Variants in SLC26A5 observed in about 807,000 individuals in gnomAD.
SLC26A5 encodes the protein solute carrier family 26 member 5, also known as prestin.
Under a neutral mutation model 81.0 loss-of-function variants are expected in SLC26A5, and 51 were observed. The observed-to-expected ratio is 0.63, with a 90% CI of 0.50 to 0.80. SLC26A5 has a LOEUF of 0.80. Ranked by LOEUF, SLC26A5 falls within the 30% of genes least tolerant of loss-of-function variation. The pLI is 0.00. For missense variants in SLC26A5, 771 were observed against 905.8 expected, an observed-to-expected ratio of 0.85 and a Z score of 1.91; for synonymous variants, 325 against 332.8, an observed-to-expected ratio of 0.98 and a Z score of 0.25.
chr7:103,434,976 T>C (rs1258557429), intron 2 of SLC26A5: 1 of 152,180 alleles, frequency 6.6e-6, no homozygotes, highest in Non-Finnish European at 1.5e-5. Context: ...AAAATCATTA[T>C]TGTTATTAAT....
At chr7:103,410,593 G>A in intron 6 of SLC26A5, 44 bp from the exon 7 acceptor site, 2 of 1,540,368 alleles carry the variant, frequency 1.3e-6, no homozygotes, top group Non-Finnish European at 1.8e-6. Context: ...TCACATGATA[G>A]GTCAGGAAGT....
chr7:103,445,317 G>A (rs554196214), intron 1 of SLC26A5: 1 of 152,256 alleles, frequency 6.6e-6, no homozygotes, highest in South Asian at 2.1e-4. Context: ...CGGCCCAGGT[G>A]CGCACTAGAT....
chr7:103,353,456 G>A (rs911162462), intron 19 of SLC26A5, among the ~76,000 whole-genome samples: 3 of 152,044 alleles, frequency 2.0e-5, no homozygotes, highest in East Asian at 1.9e-4. Flanking sequence ...ACAGACATGC[G>A]CCACCATGCC....
At chr7:103,426,303 T>G (rs1825707286) in intron 2 of SLC26A5, among the ~76,000 whole-genome samples, 1 of 152,166 alleles carries the variant, frequency 6.6e-6, no homozygotes, top group Non-Finnish European at 1.5e-5. Context: ...AATTTAGATC[T>G]CAAAACATAA....
intron 16 of SLC26A5, among the ~76,000 whole-genome samples, chr7:103,378,838 G>C (rs1439460673): frequency 3.3e-5 from 5 of 152,302 alleles, no homozygotes; most frequent in African/African-American, 1.2e-4. Flanking sequence ...ATATTTAAGA[G>C]ACTCTGTGGG....
At chr7:103,399,585 A>T (rs1823414719) in intron 8 of SLC26A5, among the ~76,000 whole-genome samples, 1 of 152,028 alleles carries the variant, frequency 6.6e-6, no homozygotes, top group Non-Finnish European at 1.5e-5. Context: ...TAAATTTTTA[A>T]ATTTATTATA....
chr7:103,354,175 A>G (rs1356254045), intron 19 of SLC26A5, among the ~76,000 whole-genome samples: 1 of 152,202 alleles, frequency 6.6e-6, no homozygotes, highest in East Asian at 1.9e-4. Context: ...TATAGAATAG[A>G]TCAAAGTATT....
At chr7:103,430,420 A>G (rs902817597) in intron 2 of SLC26A5, among the ~76,000 whole-genome samples, 1 of 152,170 alleles carries the variant, frequency 6.6e-6, no homozygotes, top group Non-Finnish European at 1.5e-5. Flanking sequence ...TGCAAGATAT[A>G]CAAGCTTTCT....
intron 18 of SLC26A5, 67 bp from the exon 19 acceptor site, chr7:103,376,929 C>A: frequency 9.0e-7 from 1 of 1,107,984 alleles, no homozygotes; most frequent in Non-Finnish European, 1.4e-6. Context: ...CTCTTTTTAC[C>A]AATGTTTTTC....
intron 19 of SLC26A5, among the ~76,000 whole-genome samples, chr7:103,375,035 AACAC>A (rs901002259): frequency 2.8e-5 from 4 of 144,682 alleles, no homozygotes; most frequent in African/African-American, 5.0e-5. Flanking sequence ...TATATACACA[AACAC>A]ACACACACAC....
At chr7:103,369,366 G>A (rs1437509001), downstream of SLC26A5, 1 of 152,120 alleles carries the variant, frequency 6.6e-6, no homozygotes, top group African/African-American at 2.4e-5. Context: ...TGAATGTTTT[G>A]ATTAAATAAA....
chr7:103,381,338 A>G (rs973072086), intron 14 of SLC26A5, among the ~76,000 whole-genome samples: 1 of 151,246 alleles, frequency 6.6e-6, no homozygotes, highest in African/African-American at 2.4e-5. Flanking sequence ...ACACATATAA[A>G]CACAATATAC....
At chr7:103,414,191 T>C (rs1487086909) in intron 4 of SLC26A5, among the ~76,000 whole-genome samples, 248 of 95,282 alleles carry the variant, frequency 2.6e-3, no homozygotes, top group South Asian at 6.8e-3. Context: ...TGCCCCCCCC[T>C]TTTTTTTTTT....
chr7:103,396,055 A>G (rs2116520914), intron 9 of SLC26A5, among the ~76,000 whole-genome samples: 1 of 152,320 alleles, frequency 6.6e-6, no homozygotes, highest in African/African-American at 2.4e-5. Flanking sequence ...GCCACCTGGC[A>G]GGTAAGGAAA....
At chr7:103,382,402 T>A (rs1240119422) in intron 14 of SLC26A5, among the ~76,000 whole-genome samples, 1 of 142,098 alleles carries the variant, frequency 7.0e-6, no homozygotes, top group African/African-American at 2.7e-5. Context: ...CAGGCTGGAG[T>A]GCAATGGTGC....
chr7:103,364,999 T>C (rs764466192), intron 19 of SLC26A5, among the ~76,000 whole-genome samples: 1 of 121,044 alleles, frequency 8.3e-6, no homozygotes, highest in Non-Finnish European at 1.7e-5. Context: ...AGAATAAGTC[T>C]AGGGCTATAT....
intron 14 of SLC26A5, among the ~76,000 whole-genome samples, chr7:103,381,947 ACAC>A (rs1821832277): frequency 1.3e-5 from 2 of 151,582 alleles, no homozygotes; most frequent in South Asian, 4.2e-4. Flanking sequence ...ACACACACAC[ACAC>A]ATCACGTATA....
intron 19 of SLC26A5, chr7:103,364,364 G>T: frequency 6.3e-7 from 1 of 1,584,284 alleles, no homozygotes. Context: ...CAGTATGAAT[G>T]AAATTAAAAA....
chr7:103,402,674 C>T (rs1265162492), intron 8 of SLC26A5, among the ~76,000 whole-genome samples: 1 of 152,136 alleles, frequency 6.6e-6, no homozygotes, highest in Non-Finnish European at 1.5e-5. Context: ...GCTCGGATTA[C>T]AGGCGTGAGC....
Sources: allele counts gnomAD v4.1 joint callset (sites outside exome capture counted in the v4.1 genomes callset), GRCh38; gene constraint gnomAD v4.1.1; transcripts MANE v1.5; gene names NCBI Gene and HGNC (gene_info 2026-07-23, HGNC 2026-07-21).